The following PDE4B variants were observed in gnomAD, a reference collection of about 807,000 sequenced individuals.
PDE4B encodes 3',5'-cyclic-AMP phosphodiesterase 4B.
PDE4B carries 20 observed loss-of-function variants against 82.2 expected under a neutral mutation model. The ratio of observed to expected loss-of-function variants is 0.24; its 90% CI spans 0.17 to 0.35. The LOEUF (loss-of-function observed/expected upper bound fraction) is 0.35, where lower values mean the gene tolerates loss of function less well. Ranked by LOEUF, PDE4B falls within the 10% of genes least tolerant of loss-of-function variation. The pLI, the probability that PDE4B is intolerant of heterozygous loss-of-function variation, is 1.00. For synonymous variants in PDE4B, 320 were observed against 318.9 expected, an observed-to-expected ratio of 1.00 and a Z score of -0.04; for missense variants, 655 against 907.2, an observed-to-expected ratio of 0.72 and a Z score of 3.57.
chr1:66,083,148 C>T (rs1034074949), intron 3 of PDE4B, among the ~76,000 whole-genome samples: 1 of 152,132 alleles, frequency 6.6e-6, no homozygotes, highest in Non-Finnish European at 1.5e-5. Flanking sequence ...TTTTCTCCTT[C>T]ATTCTCTGCC....
At chr1:66,268,911 T>C (rs958412212) in intron 7 of PDE4B, among the ~76,000 whole-genome samples, 3 of 152,122 alleles carry the variant, frequency 2.0e-5, no homozygotes, top group East Asian at 1.9e-4. Flanking sequence ...GTCTCTCCCA[T>C]TGGAGATAAA....
At chr1:66,127,243 G>A (rs1645843276) in intron 3 of PDE4B, among the ~76,000 whole-genome samples, 1 of 152,178 alleles carries the variant, frequency 6.6e-6, no homozygotes, top group African/African-American at 2.4e-5. Flanking sequence ...ATACCTTAGG[G>A]GAAACAATAG....
intron 3 of PDE4B, among the ~76,000 whole-genome samples, chr1:65,921,125 C>T (rs961882281): frequency 7.3e-5 from 11 of 150,896 alleles, no homozygotes; most frequent in Non-Finnish European, 1.0e-4. Flanking sequence ...CCTGCCACTA[C>T]GCCCGGCTAA....
At chr1:65,886,427 GTGT>G (rs1646777557) in intron 1 of PDE4B, among the ~76,000 whole-genome samples, 3 of 152,198 alleles carry the variant, frequency 2.0e-5, no homozygotes, top group Admixed American at 2.0e-4. Flanking sequence ...ATACAATACA[GTGT>G]TGTTAACTAT....
chr1:65,904,359 T>C (rs1647004678), intron 1 of PDE4B, among the ~76,000 whole-genome samples: 1 of 152,212 alleles, frequency 6.6e-6, no homozygotes, highest in South Asian at 2.1e-4. Flanking sequence ...GGTGAATTCT[T>C]GTTGAAACAT....
chr1:66,286,299 T>C (rs146413215), intron 7 of PDE4B, among the ~76,000 whole-genome samples: 145 of 152,298 alleles, frequency 9.5e-4, no homozygotes, highest in Non-Finnish European at 1.6e-3. Flanking sequence ...CCATCATTAA[T>C]ACTAATTATG....
chr1:65,928,801 C>T (rs1569717997), intron 3 of PDE4B, among the ~76,000 whole-genome samples: 2 of 152,288 alleles, frequency 1.3e-5, no homozygotes, highest in Admixed American at 1.3e-4. Flanking sequence ...CAGGCATTTC[C>T]AGCTTGCTTA....
chr1:66,201,227 G>A (rs1570455951), intron 3 of PDE4B, among the ~76,000 whole-genome samples: 1 of 152,104 alleles, frequency 6.6e-6, no homozygotes, highest in Non-Finnish European at 1.5e-5. Flanking sequence ...GCTTTTTGAT[G>A]TGTTGCTGGA....
chr1:66,145,920 A>G (rs889298331), intron 3 of PDE4B, among the ~76,000 whole-genome samples: 1 of 152,016 alleles, frequency 6.6e-6, no homozygotes. Context: ...TATTATTAAG[A>G]TTTTGTGTGT....
At chr1:66,257,205 C>G (rs186100906) in intron 4 of PDE4B, among the ~76,000 whole-genome samples, 2 of 152,112 alleles carry the variant, frequency 1.3e-5, no homozygotes, top group African/African-American at 2.4e-5. Context: ...AGCTGTGGTT[C>G]GAATCAACAA....
intron 7 of PDE4B, among the ~76,000 whole-genome samples, chr1:66,301,948 C>G (rs777571591): frequency 8.5e-5 from 13 of 152,180 alleles, no homozygotes; most frequent in Non-Finnish European, 1.5e-4. Context: ...GAGCTTACTG[C>G]TCAGCCAACT....
intron 3 of PDE4B, among the ~76,000 whole-genome samples, chr1:66,210,836 C>T (rs547383327): frequency 2.0e-5 from 3 of 152,250 alleles, no homozygotes; most frequent in East Asian, 3.9e-4. Flanking sequence ...TTAGACTCAT[C>T]GTTTCTGCTC....
chr1:66,273,845 A>G (rs1364071338), intron 7 of PDE4B, among the ~76,000 whole-genome samples: 1 of 152,250 alleles, frequency 6.6e-6, no homozygotes, highest in Non-Finnish European at 1.5e-5. Context: ...GGCTTACTGA[A>G]ATATCTGCTA....
chr1:66,258,003 G>A (rs1654379403), intron 6 of PDE4B, 140 bp downstream of exon 6: 3 of 628,440 alleles, frequency 4.8e-6, no homozygotes, highest in East Asian at 5.5e-5. Context: ...TTTGAAAACA[G>A]GATGGAGCAC....
intron 1 of PDE4B, among the ~76,000 whole-genome samples, chr1:65,866,556 C>A (rs1385320728): frequency 6.6e-6 from 1 of 152,074 alleles, no homozygotes; most frequent in Non-Finnish European, 1.5e-5. Flanking sequence ...TGCTTTTAGA[C>A]AATATGTGTG....
intron 3 of PDE4B, among the ~76,000 whole-genome samples, chr1:65,958,985 C>T (rs1649412497): frequency 6.6e-6 from 1 of 152,150 alleles, no homozygotes; most frequent in African/African-American, 2.4e-5. Context: ...TTCTGTGCTT[C>T]CCAGATGCAG....
At chr1:66,193,950 CTT>C (rs11423626) in intron 3 of PDE4B, among the ~76,000 whole-genome samples, 2 of 141,850 alleles carry the variant, frequency 1.4e-5, no homozygotes, top group East Asian at 2.0e-4. Context: ...GATTTGAAAT[CTT>C]TTTTTTTTTT....
chr1:66,197,169 T>C (rs1648392199), intron 3 of PDE4B, among the ~76,000 whole-genome samples: 1 of 152,162 alleles, frequency 6.6e-6, no homozygotes, highest in South Asian at 2.1e-4. Flanking sequence ...TTAATTTTTA[T>C]GGAGCTGGAA....
chr1:65,812,277 C>G (rs1192941796), intron 1 of PDE4B, among the ~76,000 whole-genome samples: 5 of 152,098 alleles, frequency 3.3e-5, no homozygotes, highest in Non-Finnish European at 7.4e-5. Context: ...CTGAGAGTTC[C>G]TTTTCTAAAT....
Sources: gnomAD v4.1 joint callset for allele counts (sites outside exome capture counted in the v4.1 genomes callset) on GRCh38, gnomAD v4.1.1 for gene constraint, MANE v1.5 for transcripts, NCBI Gene and HGNC (gene_info 2026-07-23, HGNC 2026-07-21) for gene names.